Variants in PTPRR observed in about 807,000 individuals in gnomAD.
PTPRR encodes the protein protein tyrosine phosphatase receptor type R.
In PTPRR, 38 loss-of-function variants were observed where a neutral mutation model predicts 77.2. The observed-to-expected ratio is 0.49, with a 90% confidence interval of 0.38 to 0.65. The LOEUF (loss-of-function observed/expected upper bound fraction) is 0.65, where lower values mean the gene tolerates loss of function less well. Among genes scored for constraint, PTPRR ranks in the 30% least tolerant of loss-of-function variants. The pLI, the probability that PTPRR is intolerant of heterozygous loss-of-function variation, is 0.00. For missense variants in PTPRR, 744 were observed against 799.2 expected (o/e 0.93, Z 0.83); for synonymous variants, 299 against 283.1 (o/e 1.06, Z -0.57).
intron 13 of PTPRR, among the ~76,000 whole-genome samples, chr12:70,649,670 G>C (rs1886324029): frequency 6.6e-6 from 1 of 152,112 alleles, no homozygotes. Flanking sequence ...TGCCTCCTGG[G>C]TTCCAGCAAT....
chr12:70,737,751 G>T (rs1020816877), intron 6 of PTPRR, among the ~76,000 whole-genome samples: 2 of 152,088 alleles, frequency 1.3e-5, no homozygotes, highest in Non-Finnish European at 2.9e-5. Flanking sequence ...TCAAACTCCT[G>T]GCTTCAAGTG....
chr12:70,777,190 C>G (rs116564023), intron 2 of PTPRR, among the ~76,000 whole-genome samples: 1,728 of 151,994 alleles, frequency 0.011, 30 homozygotes, highest in African/African-American at 0.04. Context: ...AAATATCATG[C>G]TTTGATTCTT....
rs563841839 is a variant in PTPRR, at chr12:70,701,004, T to C, written c.1194+133A>G. The C allele has an allele frequency of 8.4e-5, 75 of 887,854 alleles. No individual in the cohort carries two copies. In the African/African-American group the frequency reaches 8.6e-4, roughly 10 times the overall value. The allele number at this position is 887,854 out of a possible 1,614,324, so 55.0% of individuals were successfully genotyped here. A position where few individuals can be genotyped will look rare whatever the true frequency, so the allele number is the denominator to read the frequency against. ...TCAATAGTGGATGAGACTGAGTGAA[T>C]CTAAAACCATTTCACTTTGCCATTT... On this transcript the variant is annotated intron_variant, in intron 7 of 13. Transcript: ENST00000283228.
At chr12:70,656,565 A>G (rs1236007097) in intron 13 of PTPRR, 139 bp downstream of exon 13, 3 of 607,824 alleles carry the variant, frequency 4.9e-6, no homozygotes, top group Non-Finnish European at 8.8e-6. Context: ...AATATAATGC[A>G]TATACTTAAG....
chr12:70,686,413 C>T (rs1887872207), intron 8 of PTPRR, among the ~76,000 whole-genome samples: 1 of 152,094 alleles, frequency 6.6e-6, no homozygotes, highest in Non-Finnish European at 1.5e-5. Flanking sequence ...TAATTAGTTT[C>T]AGAAAAAGGC....
chr12:70,669,672 C>A, intron 10 of PTPRR, among the ~76,000 whole-genome samples: 1 of 151,968 alleles, frequency 6.6e-6, no homozygotes. Flanking sequence ...TCAAGCGATC[C>A]TCTGGTCTCT....
At chr12:70,841,738 T>C (rs928871620) in intron 2 of PTPRR, among the ~76,000 whole-genome samples, 2 of 152,198 alleles carry the variant, frequency 1.3e-5, no homozygotes, top group African/African-American at 2.4e-5. Flanking sequence ...TTTTCCTAAA[T>C]CTAATAGAGA....
At chr12:70,847,959 G>A (rs1592790885) in intron 2 of PTPRR, among the ~76,000 whole-genome samples, 1 of 152,064 alleles carries the variant, frequency 6.6e-6, no homozygotes, top group African/African-American at 2.4e-5. Flanking sequence ...TGCTTTCGGG[G>A]TATCCCCTTC....
intron 6 of PTPRR, among the ~76,000 whole-genome samples, chr12:70,732,599 T>G (rs1565671762): frequency 1.3e-5 from 2 of 152,188 alleles, no homozygotes; most frequent in East Asian, 1.9e-4. Context: ...CTTGCTCTGT[T>G]GCCCAGGCTA....
intron 2 of PTPRR, among the ~76,000 whole-genome samples, chr12:70,778,074 C>T (rs567100437): frequency 9.9e-4 from 151 of 152,252 alleles, no homozygotes; most frequent in African/African-American, 3.5e-3. Flanking sequence ...CATTTCAAAT[C>T]GCTTCTTTCA....
intron 2 of PTPRR, among the ~76,000 whole-genome samples, chr12:70,783,070 G>A (rs1005698886): frequency 6.6e-6 from 1 of 152,136 alleles, no homozygotes; most frequent in African/African-American, 2.4e-5. Context: ...ATTGGGGTCC[G>A]ATTTTCCGGC....
intron 6 of PTPRR, among the ~76,000 whole-genome samples, chr12:70,728,405 C>T (rs1468673872): frequency 2.1e-5 from 3 of 141,652 alleles, no homozygotes; most frequent in African/African-American, 5.2e-5. Context: ...CCAAGCATTT[C>T]GGATAAGGGA....
chr12:70,842,227 T>C (rs1400345349), intron 2 of PTPRR, among the ~76,000 whole-genome samples: 1 of 152,214 alleles, frequency 6.6e-6, no homozygotes, highest in African/African-American at 2.4e-5. Flanking sequence ...TTATAATGAG[T>C]ATAATCAGAT....
intron 1 of PTPRR, among the ~76,000 whole-genome samples, chr12:70,913,890 C>G (rs1893736910): frequency 1.3e-5 from 2 of 151,896 alleles, no homozygotes; most frequent in African/African-American, 4.8e-5. Context: ...CTTACTGATG[C>G]CATATTAGGT....
intron 2 of PTPRR, among the ~76,000 whole-genome samples, chr12:70,766,071 G>C (rs886133441): frequency 2.6e-5 from 4 of 152,156 alleles, no homozygotes; most frequent in African/African-American, 9.7e-5. Flanking sequence ...GGAAAAAACA[G>C]AGCAGAAAAA....
At chr12:70,798,648 C>A (rs1891557729) in intron 2 of PTPRR, among the ~76,000 whole-genome samples, 1 of 152,096 alleles carries the variant, frequency 6.6e-6, no homozygotes, top group Admixed American at 6.6e-5. Flanking sequence ...ATGTGATCTG[C>A]CAAATCTTGA....
At chr12:70,718,681 A>T (rs1325182858) in intron 6 of PTPRR, among the ~76,000 whole-genome samples, 1 of 152,236 alleles carries the variant, frequency 6.6e-6, no homozygotes, top group Non-Finnish European at 1.5e-5. Flanking sequence ...ATTTTATGTG[A>T]AGAAAATGTA....
intron 2 of PTPRR, among the ~76,000 whole-genome samples, chr12:70,858,585 T>C (rs1031010621): frequency 8.5e-5 from 13 of 152,158 alleles, no homozygotes; most frequent in African/African-American, 3.1e-4. Flanking sequence ...CTCTATTTGA[T>C]AGTCTTATTT....
chr12:70,673,067 A>C (rs1184000288), intron 10 of PTPRR: 10 of 1,170,556 alleles, frequency 8.5e-6, no homozygotes, highest in Non-Finnish European at 8.8e-6. Flanking sequence ...AGAAAGAAAT[A>C]TATATTTGAC....
Sources: gnomAD v4.1 joint callset for allele counts (sites outside exome capture counted in the v4.1 genomes callset) on GRCh38, gnomAD v4.1.1 for gene constraint, MANE v1.5 for transcripts, NCBI Gene and HGNC (gene_info 2026-07-23, HGNC 2026-07-21) for gene names.